NISCH: variants seen among roughly 807,000 people sequenced by gnomAD.
NISCH encodes I-1 receptor candidate protein.
A neutral mutation model predicts 138.4 loss-of-function variants in NISCH; 55 were observed. The ratio of observed to expected loss-of-function variants is 0.40; its 90% CI spans 0.32 to 0.50. The LOEUF (loss-of-function observed/expected upper bound fraction) is 0.50. Among genes scored for constraint, NISCH ranks in the 20% least tolerant of loss-of-function variants. The pLI, the probability that NISCH is intolerant of heterozygous loss-of-function variation, is 0.71. For missense variants in NISCH, 1,643 were observed against 2,005.5 expected (o/e 0.82, Z 3.45); for synonymous variants, 860 against 861.5 (o/e 1.00, Z 0.03).
At chr3:52,479,427 C>G (rs1707202982) in intron 11 of NISCH, among the ~76,000 whole-genome samples, 1 of 152,144 alleles carries the variant, frequency 6.6e-6, no homozygotes, top group Non-Finnish European at 1.5e-5. Flanking sequence ...TACCCTAGTC[C>G]CAGCTGCCCA....
At position 52,492,635 on chromosome 3, in the gene NISCH, A is replaced by T; in HGVS notation, c.*153A>T. 1 of 1,070,626 alleles carries T rather than the reference A, an allele frequency of 9.3e-7. No individual in the cohort carries two copies. Among genetic ancestry groups the T allele is most frequent in the Non-Finnish European group, 1.3e-6 (1 of 769,942 alleles). The allele number at this position is 1,070,626 out of a possible 1,614,324, so 66.3% of individuals were successfully genotyped here. A position where few individuals can be genotyped will look rare whatever the true frequency, so the allele number is the denominator to read the frequency against. On this transcript the variant is annotated 3_prime_UTR_variant, in exon 21 of 21. Coordinates refer to ENST00000345716, the MANE Select transcript of NISCH (RefSeq NM_007184.4). ...GTGAACATGTGTGTGTGTTGTGTTA[A>T]TTCTTTCTCATGTTGGGAGTGAGAA...
rs576965881 is a variant in NISCH at position 52,481,300 on chromosome 3, G to A, written c.1528+1005G>A. On this transcript the variant is annotated intron_variant, in intron 13 of 20. Transcript: ENST00000345716. ...AAGACTGGGCAGGAAGAGGGGAGAA[G>A]CATTCAAGTTAAGGCAAAAGGCCCA... 12 of 1,026,030 alleles carry A rather than the reference G, an allele frequency of 1.2e-5. No individual in the cohort carries two copies. In the East Asian group the frequency reaches 1.0e-3, roughly 85 times the overall value. 63.6% of individuals were successfully genotyped at this position (1,026,030 alleles called of 1,614,324 possible).
intron 3 of NISCH, among the ~76,000 whole-genome samples, chr3:52,468,875 A>G (rs1035787842): frequency 6.6e-6 from 1 of 152,190 alleles, no homozygotes; most frequent in South Asian, 2.1e-4. Flanking sequence ...TTGTGGAGTG[A>G]GAGAAGAGGC....
chr3:52,490,923 A>G, intron 19 of NISCH, 90 bp downstream of exon 19: 1 of 1,547,696 alleles, frequency 6.5e-7, no homozygotes, highest in Non-Finnish European at 8.8e-7. Context: ...GGGTTATCAT[A>G]GACAGTTATC....
At chr3:52,484,475 CACCCTGCCTGCCTG>C in intron 13 of NISCH, 24 bp from the exon 14 acceptor site, 1 of 1,295,598 alleles carries the variant, frequency 7.7e-7, no homozygotes, top group South Asian at 1.5e-5. Flanking sequence ...CCGCCCCACC[CACCCTGCCTGCCTG>C]CCCACCCGCC....
intron 13 of NISCH, chr3:52,480,996 A>T: frequency 7.0e-7 from 1 of 1,433,694 alleles, no homozygotes. Context: ...GACACGCAGG[A>T]AAGGACGCCG....
chr3:52,484,464 C>CA, intron 13 of NISCH, 49 bp from the exon 14 acceptor site: 4 of 293,720 alleles, frequency 1.4e-5, no homozygotes, highest in South Asian at 2.7e-5. Flanking sequence ...AGCCGCTCTC[C>CA]CCGCCCCACC....
Position 52,492,337 on chromosome 3 carries a change from G to C in NISCH, c.4370G>C (p.Gly1457Ala). Residue 1457 changes from glycine (G) to alanine (A), a missense_variant, in exon 21 of 21, where the codon GGC becomes GCC. Gly to Ala is a moderately conservative substitution (Grantham distance 60). Coordinates refer to ENST00000345716, the MANE Select transcript of NISCH (RefSeq NM_007184.4). ...GACCACTTTGGGGAGGTGCCAGGTGGCCCGGCTAGAGCCAGCCAGGGCCGT... is the reference window on the plus strand; with the variant it reads ...GACCACTTTGGGGAGGTGCCAGGTGCCCCGGCTAGAGCCAGCCAGGGCCGT... ...TLDHFGEVPGGPARASQGREV... is the reference protein window; with the variant it reads ...TLDHFGEVPGAPARASQGREV... 6.2e-7 allele frequency: 1 copy of C among 1,613,420 alleles called. No homozygotes were observed. Among genetic ancestry groups the C allele is most frequent in the Non-Finnish European group, 8.5e-7 (1 of 1,180,036 alleles).
At position 52,492,548 on chromosome 3, in the gene NISCH, T is replaced by C. The variant is rs1181381422; in HGVS notation, c.*66T>C. 2 of 1,485,474 alleles carry C rather than the reference T, an allele frequency of 1.3e-6. No individual in the cohort carries two copies. Among genetic ancestry groups the C allele is most frequent in the Non-Finnish European group, 1.8e-6 (2 of 1,124,288 alleles). The allele number at this position is 1,485,474 out of a possible 1,614,324, so 92.0% of individuals were successfully genotyped here. On this transcript the variant is annotated 3_prime_UTR_variant, in exon 21 of 21. Coordinates refer to ENST00000345716, the MANE Select transcript of NISCH (RefSeq NM_007184.4). ...ACTGGGGCAGGGCAGCAGGCTTTTG[T>C]GTTCTCTAAAAATGTTTTATCCTCC...
chr3:52,488,069 C>T lies in NISCH; in HGVS notation c.2577C>T (p.Tyr859=), dbSNP rs768001280. The change falls in exon 16 of 21, where the codon TAC becomes TAT. Residue 859 remains tyrosine (Y), a synonymous_variant. Coordinates refer to ENST00000345716, the MANE Select transcript of NISCH (RefSeq NM_007184.4). ...GCAGCCAGGGCTGCTTCCCCGTCTACCTGGTCTACAGTGACAAGCGCATGG... is the reference window on the plus strand; with the variant it reads ...GCAGCCAGGGCTGCTTCCCCGTCTATCTGGTCTACAGTGACAAGCGCATGG... ...QERSQGCFPV[Y]LVYSDKRMVQ... The T allele has an allele frequency of 1.2e-6, 2 of 1,612,818 alleles. No individual in the cohort carries two copies. The highest frequency in any genetic ancestry group is 8.5e-7 in the Non-Finnish European group (1 of 1,179,932).
In NISCH at chr3:52,491,527, G is replaced by T. The variant is rs1159128248; in HGVS notation, c.3904+14G>T. On this transcript the variant is annotated intron_variant, in intron 20 of 20. Transcript: ENST00000345716. The stretch of plus-strand genomic sequence containing the variant: ...ACAAGACCACAGGTACCCCTGTCTA[G>T]CTCAGGCTGCAGACAGGCTGCCTGG... 2.5e-6 allele frequency: 4 copies of T among 1,602,780 alleles called. No homozygotes were observed. Among genetic ancestry groups the T allele is most frequent in the Non-Finnish European group, 3.4e-6 (4 of 1,173,628 alleles).
chr3:52,460,089 G>A lies in NISCH; in HGVS notation c.360+1245G>A, dbSNP rs183016338. On this transcript the variant is annotated intron_variant, in intron 3 of 20. Transcript: ENST00000345716. The stretch of plus-strand genomic sequence containing the variant: ...CCAGCTATTTGGGAGGCTGAGGCAG[G>A]AGAATCGCTTGAACCCAAGAAGCAG... Among the ~76,000 whole-genome samples, 207 of 142,436 alleles carry A rather than the reference G, an allele frequency of 1.5e-3. 1 individual carries two copies. Among genetic ancestry groups the A allele is most frequent in the Admixed American group, 3.3e-3 (44 of 13,218 alleles). The allele number at this position is 142,436 out of a possible 152,430, so 93.4% of individuals were successfully genotyped here. A position where few individuals can be genotyped will look rare whatever the true frequency, so the allele number is the denominator to read the frequency against.
At chr3:52,474,560 T>G (rs1437981201) in intron 7 of NISCH, among the ~76,000 whole-genome samples, 1 of 152,090 alleles carries the variant, frequency 6.6e-6, no homozygotes, top group Non-Finnish European at 1.5e-5. Context: ...CCTCCCAAAG[T>G]GCTGGGATTA....
At chr3:52,459,686 A>G (rs1464324281) in intron 3 of NISCH, among the ~76,000 whole-genome samples, 2 of 151,772 alleles carry the variant, frequency 1.3e-5, no homozygotes, top group East Asian at 3.9e-4. Context: ...TGCCTGCCTC[A>G]GCCTCCCAAA....
At chr3:52,463,592 A>G (rs1029094163) in intron 3 of NISCH, among the ~76,000 whole-genome samples, 3 of 151,138 alleles carry the variant, frequency 2.0e-5, no homozygotes, top group Non-Finnish European at 4.4e-5. Context: ...TAATTTCCCC[A>G]CATTCTTGCT....
chr3:52,471,625 T>C, intron 4 of NISCH, 189 bp from the exon 5 acceptor site: 4 of 621,298 alleles, frequency 6.4e-6, no homozygotes, highest in South Asian at 2.0e-5. Context: ...TGTCATCACA[T>C]GTCTAGGGTT....
At chr3:52,473,939 A>G in intron 7 of NISCH, 110 bp downstream of exon 7, 1 of 632,170 alleles carries the variant, frequency 1.6e-6, no homozygotes, top group East Asian at 2.9e-5. Flanking sequence ...ATCAGTATTC[A>G]GAGGCTGGAC....
chr3:52,466,500 G>A (rs1010884631), intron 3 of NISCH, among the ~76,000 whole-genome samples: 2 of 150,900 alleles, frequency 1.3e-5, no homozygotes, highest in East Asian at 1.9e-4. Context: ...AGGAGGCGGA[G>A]GTTGTAGTGA....
intron 3 of NISCH, among the ~76,000 whole-genome samples, chr3:52,464,868 A>G (rs780952908): frequency 5.3e-5 from 8 of 152,136 alleles, no homozygotes; most frequent in East Asian, 3.9e-4. Flanking sequence ...GGGTTTTACT[A>G]TGTTGGCCAG....
Sources: gnomAD v4.1 joint callset for allele counts (sites outside exome capture counted in the v4.1 genomes callset) on GRCh38, gnomAD v4.1.1 for gene constraint, MANE v1.5 for transcripts, NCBI Gene and HGNC (gene_info 2026-07-23, HGNC 2026-07-21) for gene names.